Variants in WWC2 observed in about 807,000 individuals in gnomAD.
WWC2 encodes WW and C2 domain containing 2.
In WWC2, 101 loss-of-function variants were observed where a neutral mutation model predicts 138.5. That is an observed-to-expected ratio of 0.73 (90% CI 0.62 to 0.86). The LOEUF is 0.86. WWC2 is among the 40% of genes least tolerant of loss of function. The pLI is 0.00. For missense variants in WWC2, 1,420 were observed against 1,419.4 expected (o/e 1.00, Z -0.01); for synonymous variants, 558 against 538.4 (o/e 1.04, Z -0.50).
chr4:183,182,994 A>AG (rs1734680717), intron 1 of WWC2, among the ~76,000 whole-genome samples: 1 of 152,078 alleles, frequency 6.6e-6, no homozygotes, highest in Non-Finnish European at 1.5e-5. Context: ...ACTGTGTATG[A>AG]GGTAGGCATT....
intron 1 of WWC2, among the ~76,000 whole-genome samples, chr4:183,103,458 C>T (rs1743246803): frequency 6.6e-6 from 1 of 151,408 alleles, no homozygotes; most frequent in Non-Finnish European, 1.5e-5. Flanking sequence ...TCCCGAGTAG[C>T]TGGGATTCCA....
intron 8 of WWC2, among the ~76,000 whole-genome samples, chr4:183,251,838 T>G (rs749313606): frequency 4.6e-5 from 7 of 151,496 alleles, no homozygotes; most frequent in Admixed American, 3.9e-4. Flanking sequence ...TCTGATTAAG[T>G]AAAGAGGCAG....
intron 2 of WWC2, among the ~76,000 whole-genome samples, chr4:183,201,711 TG>T (rs1735304110): frequency 6.6e-6 from 1 of 152,234 alleles, no homozygotes; most frequent in African/African-American, 2.4e-5. Flanking sequence ...AATACTTCGT[TG>T]GGCTGCATTA....
intron 1 of WWC2, among the ~76,000 whole-genome samples, chr4:183,133,173 A>G (rs1250221756): frequency 1.1e-5 from 1 of 87,054 alleles, no homozygotes; most frequent in African/African-American, 5.1e-5. Context: ...TTTTTTGACC[A>G]GGTCTTGCTC....
rs575216546 is a variant in WWC2, at chr4:183,251,393, T to C, written c.953+1400T>C. On this transcript the variant is annotated intron_variant, in intron 8 of 22. Transcript: ENST00000403733. ...TTACTCAGAAGCAGTCTTGGAGAACTGGGCCTTAAGCCCCTGCATTCTTTC... is the reference window on the plus strand; with the variant it reads ...TTACTCAGAAGCAGTCTTGGAGAACCGGGCCTTAAGCCCCTGCATTCTTTC... Among the ~76,000 whole-genome samples the C allele has an allele frequency of 4.6e-5, 7 of 152,372 alleles. No homozygotes were observed. The South Asian group carries it at 1.2e-3, about 27-fold the overall frequency.
chr4:183,261,490 C>G lies in WWC2; in HGVS notation c.1867C>G (p.Leu623Val), dbSNP rs1737329549. ...ASQSLSEDKDLNECAREPLYE... is the reference protein window; with the variant it reads ...ASQSLSEDKDVNECAREPLYE... Reference sequence around the variant, plus strand: ...CCAGTCTCTTTCAGAGGATAAAGACCTTAATGAATGTGCTAGGGAGCCATT... The same window carrying G: ...CCAGTCTCTTTCAGAGGATAAAGACGTTAATGAATGTGCTAGGGAGCCATT... The change falls in exon 11 of 23, where the codon CTT becomes GTT. Residue 623 changes from leucine (L) to valine (V), a missense_variant. Transcript: ENST00000403733. The G allele has an allele frequency of 1.2e-6, 2 of 1,612,726 alleles. No individual in the cohort carries two copies.
In WWC2 at chr4:183,099,452, G is replaced by T; in HGVS notation, c.-40G>T. ...GCGTTCCCGCCGCGTCCCGCGCCCG[G>T]TACCTATGGAGGCGCCGCTCGCCGG... On this transcript the variant is annotated 5_prime_UTR_variant, in exon 1 of 23. Transcript: ENST00000403733. 1 of 1,237,466 alleles carries T rather than the reference G, an allele frequency of 8.1e-7. No individual in the cohort carries two copies. The allele number at this position is 1,237,466 out of a possible 1,614,324, so 76.7% of individuals were successfully genotyped here. A position where few individuals can be genotyped will look rare whatever the true frequency, so the allele number is the denominator to read the frequency against.
intron 5 of WWC2, 155 bp downstream of exon 5, chr4:183,240,417 C>A: frequency 3.9e-6 from 2 of 519,358 alleles, no homozygotes; most frequent in Non-Finnish European, 6.5e-6. Context: ...AAGCAATCAA[C>A]CAACAGATAA....
At chr4:183,248,886 G>T in intron 7 of WWC2, 26 bp downstream of exon 7, 3 of 1,546,160 alleles carry the variant, frequency 1.9e-6, no homozygotes, top group Non-Finnish European at 2.6e-6. Context: ...TGAAGAGTTG[G>T]CCCAGTGTTG....
chr4:183,221,309 C>A (rs575627871), intron 4 of WWC2, among the ~76,000 whole-genome samples: 1 of 152,262 alleles, frequency 6.6e-6, no homozygotes, highest in South Asian at 2.1e-4. Flanking sequence ...AAGACCAATA[C>A]AACTGCAAGG....
At position 183,284,303 on chromosome 4, in the gene WWC2, C is replaced by A. The variant is rs1202317181; in HGVS notation, c.2961C>A (p.Ser987Arg). The change falls in exon 19 of 23, where the codon AGC (serine) becomes AGA (arginine). Residue 987 changes from serine (S) to arginine (R), a missense_variant. Physicochemically the swap from Ser to Arg is moderately radical, Grantham distance 110 (BLOSUM62 -1). Coordinates refer to ENST00000403733, the MANE Select transcript of WWC2 (RefSeq NM_024949.6). ...AVRPKERSSL[S>R]SRQHPFVRSS... is the part of the protein sequence containing the mutation. Reference sequence around the variant, plus strand: ...GCCCCAAAGAGCGCAGCAGCCTGAGCTCTAGACAGCATCCGTTTGTGAGGA... The same window carrying A: ...GCCCCAAAGAGCGCAGCAGCCTGAGATCTAGACAGCATCCGTTTGTGAGGA... 4 of 1,613,900 alleles carry A rather than the reference C, an allele frequency of 2.5e-6. No homozygotes were observed. The Admixed American group carries it at 6.7e-5, about 27-fold the overall frequency.
chr4:183,235,597 G>A (rs985468980), intron 4 of WWC2, among the ~76,000 whole-genome samples: 3 of 152,114 alleles, frequency 2.0e-5, no homozygotes, highest in Non-Finnish European at 4.4e-5. Context: ...TTGTCCCTCT[G>A]TGACCATCTT....
In WWC2 at chr4:183,157,523, C is replaced by T. The variant is rs184894431; in HGVS notation, c.132-36076C>T. On this transcript the variant is annotated intron_variant, in intron 1 of 22. Coordinates refer to ENST00000403733, the MANE Select transcript of WWC2 (RefSeq NM_024949.6). ...TTTTTTTTATATATTTATTTTGAGA[C>T]GGAGTCTCGCACTGTTGCCCAGGCT... Among the ~76,000 whole-genome samples the T allele has an allele frequency of 4.6e-3, 699 of 152,206 alleles. 3 individuals carry two copies. Among genetic ancestry groups the T allele is most frequent in the African/African-American group, 0.016 (675 of 41,532 alleles).
At chr4:183,196,139 T>G (rs1174023123) in intron 2 of WWC2, among the ~76,000 whole-genome samples, 1 of 152,102 alleles carries the variant, frequency 6.6e-6, no homozygotes, top group East Asian at 1.9e-4. Flanking sequence ...CCCTGAGGCC[T>G]CCCCAGGAGC....
At chr4:183,215,622 T>A (rs1580066902) in intron 4 of WWC2, among the ~76,000 whole-genome samples, 1 of 152,172 alleles carries the variant, frequency 6.6e-6, no homozygotes, top group Non-Finnish European at 1.5e-5. Context: ...TTAATCACAT[T>A]TATTGATTTT....
At chr4:183,242,255 A>G (rs558965698) in intron 5 of WWC2, among the ~76,000 whole-genome samples, 2 of 152,246 alleles carry the variant, frequency 1.3e-5, no homozygotes, top group African/African-American at 4.8e-5. Context: ...CATTCTTGAT[A>G]CTATAAAGGG....
At chr4:183,247,604 G>GCTATATATACTATATATA (rs1205441648) in intron 6 of WWC2, among the ~76,000 whole-genome samples, 1 of 106,802 alleles carries the variant, frequency 9.4e-6, no homozygotes, top group Non-Finnish European at 1.9e-5. Context: ...TGCTATATAT[G>GCTATATATACTATATATA]CTATATATAC....
chr4:183,117,302 C>T (rs559089071), intron 1 of WWC2, among the ~76,000 whole-genome samples: 1 of 148,636 alleles, frequency 6.7e-6, no homozygotes, highest in Non-Finnish European at 1.5e-5. Context: ...CTCACTGCAA[C>T]CTCTGCCTCC....
At chr4:183,221,720 C>T (rs1051142623) in intron 4 of WWC2, among the ~76,000 whole-genome samples, 68 of 152,136 alleles carry the variant, frequency 4.5e-4, no homozygotes, top group African/African-American at 1.6e-3. Flanking sequence ...GGAAAATACA[C>T]TGTATAAACA....
Sources: gnomAD v4.1 joint callset for allele counts (sites outside exome capture counted in the v4.1 genomes callset) on GRCh38, gnomAD v4.1.1 for gene constraint, MANE v1.5 for transcripts, NCBI Gene and HGNC (gene_info 2026-07-23, HGNC 2026-07-21) for gene names.